Variants in PID1 observed in about 807,000 individuals in gnomAD.
The protein encoded by PID1 is phosphotyrosine interaction domain containing 1.
Under a neutral mutation model 19.1 loss-of-function variants are expected in PID1, and 10 were observed. The observed-to-expected ratio is 0.52, with a 90% CI of 0.32 to 0.89. The LOEUF (loss-of-function observed/expected upper bound fraction) is 0.89, where lower values mean the gene tolerates loss of function less well. Ranked by LOEUF, PID1 falls within the 40% of genes least tolerant of loss-of-function variation. The pLI is 0.03. For missense variants in PID1, 248 were observed against 285.3 expected (o/e 0.87, Z 0.94); for synonymous variants, 130 against 116.0 (o/e 1.12, Z -0.78).
At chr2:229,111,042 A>G (rs1695287955) in intron 2 of PID1, among the ~76,000 whole-genome samples, 1 of 152,156 alleles carries the variant, frequency 6.6e-6, no homozygotes. Context: ...TGATGCTTTT[A>G]TAAGGGGTTT....
chr2:229,226,005 T>C (rs1268681713), intron 1 of PID1, among the ~76,000 whole-genome samples: 3 of 152,146 alleles, frequency 2.0e-5, no homozygotes, highest in Non-Finnish European at 4.4e-5. Context: ...TGAGAGACCA[T>C]AAGAATGTCC....
intron 2 of PID1, among the ~76,000 whole-genome samples, chr2:229,139,259 TAAAAGAA>T (rs908000910): frequency 3.3e-5 from 5 of 152,018 alleles, no homozygotes; most frequent in African/African-American, 1.2e-4. Flanking sequence ...TAGCTACACT[TAAAAGAA>T]AGAAAAAGGG....
chr2:229,200,605 G>A (rs966698878), intron 1 of PID1, among the ~76,000 whole-genome samples: 9 of 152,068 alleles, frequency 5.9e-5, no homozygotes, highest in African/African-American at 1.9e-4. Flanking sequence ...CAACCACTGA[G>A]CTCCCACTAC....
intron 1 of PID1, among the ~76,000 whole-genome samples, chr2:229,207,663 GAC>G (rs1691637382): frequency 6.6e-6 from 1 of 151,552 alleles, no homozygotes; most frequent in South Asian, 2.1e-4. Context: ...ATGATCACTT[GAC>G]AAAAATTCAG....
At chr2:229,177,806 T>C (rs1053194587) in intron 1 of PID1, among the ~76,000 whole-genome samples, 4 of 152,214 alleles carry the variant, frequency 2.6e-5, no homozygotes, top group Non-Finnish European at 5.9e-5. Context: ...TCCAGAGCTA[T>C]GTCAGGTATA....
chr2:229,234,545 C>A (rs764702350), intron 1 of PID1, among the ~76,000 whole-genome samples: 1 of 152,120 alleles, frequency 6.6e-6, no homozygotes, highest in Non-Finnish European at 1.5e-5. Flanking sequence ...TGATTTCAGC[C>A]CAGTAAGATC....
chr2:229,234,671 C>T (rs1332005241), intron 1 of PID1, among the ~76,000 whole-genome samples: 1 of 152,134 alleles, frequency 6.6e-6, no homozygotes, highest in African/African-American at 2.4e-5. Flanking sequence ...GGAATGTTCT[C>T]AAATTTCAGG....
chr2:229,260,326 G>A (rs1398933112), intron 1 of PID1, among the ~76,000 whole-genome samples: 1 of 151,884 alleles, frequency 6.6e-6, no homozygotes, highest in Non-Finnish European at 1.5e-5. Flanking sequence ...AGGGAATGGG[G>A]GAATGAGTAA....
At chr2:229,065,912 A>G (rs11897521) in intron 2 of PID1, among the ~76,000 whole-genome samples, 8,411 of 152,164 alleles carry the variant, frequency 0.055, 772 homozygotes, top group African/African-American at 0.19. Context: ...ACATTAAACT[A>G]TTGATGTAAA....
intron 2 of PID1, among the ~76,000 whole-genome samples, chr2:229,122,105 G>A (rs1265104069): frequency 1.3e-5 from 2 of 152,148 alleles, no homozygotes; most frequent in Non-Finnish European, 2.9e-5. Flanking sequence ...AAGAGAATTA[G>A]TAATAGCTTT....
At chr2:229,069,065 A>G (rs1254019966) in intron 2 of PID1, among the ~76,000 whole-genome samples, 2 of 151,812 alleles carry the variant, frequency 1.3e-5, no homozygotes, top group Non-Finnish European at 2.9e-5. Flanking sequence ...CAGTTTGGAA[A>G]AGAGTTTTTA....
intron 1 of PID1, among the ~76,000 whole-genome samples, chr2:229,226,787 C>A (rs1692085773): frequency 1.3e-5 from 2 of 152,298 alleles, no homozygotes; most frequent in South Asian, 2.1e-4. Context: ...GAGATTGAAC[C>A]ATTTCATGAC....
At chr2:229,200,261 T>C (rs1003094924) in intron 1 of PID1, among the ~76,000 whole-genome samples, 1 of 152,024 alleles carries the variant, frequency 6.6e-6, no homozygotes, top group African/African-American at 2.4e-5. Flanking sequence ...GGTTCTCAGG[T>C]AGGCACATCG....
At chr2:229,240,502 T>G (rs1251680545) in intron 1 of PID1, among the ~76,000 whole-genome samples, 1 of 152,168 alleles carries the variant, frequency 6.6e-6, no homozygotes, top group Non-Finnish European at 1.5e-5. Flanking sequence ...GTTGACAGAT[T>G]GCTCTTTTCT....
intron 2 of PID1, among the ~76,000 whole-genome samples, chr2:229,128,325 C>T (rs1695664935): frequency 6.6e-6 from 1 of 152,170 alleles, no homozygotes; most frequent in Admixed American, 6.5e-5. Context: ...ATTTCTAAAT[C>T]TTGGTCCAAA....
intron 1 of PID1, among the ~76,000 whole-genome samples, chr2:229,211,720 T>C (rs1384089202): frequency 6.6e-6 from 1 of 152,186 alleles, no homozygotes; most frequent in African/African-American, 2.4e-5. Context: ...CTTCCCACTA[T>C]TGCCAGACTC....
intron 1 of PID1, among the ~76,000 whole-genome samples, chr2:229,236,158 T>A (rs1191516966): frequency 2.9e-4 from 2 of 6,982 alleles, no homozygotes; most frequent in African/African-American, 3.1e-4. Context: ...GTTTTTGGCT[T>A]TTGAAAAAAA....
intron 2 of PID1, among the ~76,000 whole-genome samples, chr2:229,042,859 T>A (rs1400995581): frequency 1.3e-5 from 2 of 152,160 alleles, no homozygotes. Context: ...TTTGACAATA[T>A]TGTTACTATT....
intron 2 of PID1, among the ~76,000 whole-genome samples, chr2:229,062,881 T>C (rs1694240581): frequency 6.6e-6 from 1 of 152,078 alleles, no homozygotes; most frequent in South Asian, 2.1e-4. Flanking sequence ...ATGTATTCAT[T>C]TCTTCTAGGT....
Sources: allele counts gnomAD v4.1 joint callset (sites outside exome capture counted in the v4.1 genomes callset), GRCh38; gene constraint gnomAD v4.1.1; transcripts MANE v1.5; gene names NCBI Gene and HGNC (gene_info 2026-07-23, HGNC 2026-07-21).